Variants in RASGEF1A observed in about 807,000 individuals in gnomAD.
The protein encoded by RASGEF1A is RasGEF domain family member 1A, also known as ras-GEF domain-containing family member 1A.
A neutral mutation model predicts 56.4 loss-of-function variants in RASGEF1A; 18 were observed. The observed-to-expected ratio is 0.32, with a 90% confidence interval of 0.22 to 0.47. The LOEUF is 0.47. Among genes scored for constraint, RASGEF1A ranks in the 20% least tolerant of loss-of-function variants. RASGEF1A has a pLI of 1.00. For synonymous variants in RASGEF1A, 245 were observed against 242.6 expected (o/e 1.01, Z -0.09); for missense variants, 422 against 627.1 (o/e 0.67, Z 3.49).
At chr10:43,255,515 C>T (rs1840678300) in intron 1 of RASGEF1A, among the ~76,000 whole-genome samples, 1 of 152,350 alleles carries the variant, frequency 6.6e-6, no homozygotes, top group South Asian at 2.1e-4. Flanking sequence ...CCTTGTCTCA[C>T]AGCCCTGCCC....
chr10:43,246,694 G>C (rs1350343382), intron 1 of RASGEF1A, among the ~76,000 whole-genome samples: 2 of 152,188 alleles, frequency 1.3e-5, no homozygotes, highest in Admixed American at 6.5e-5. Flanking sequence ...TCAACAAATA[G>C]TGCTGGGACA....
chr10:43,230,508 C>T (rs747146335), intron 1 of RASGEF1A, among the ~76,000 whole-genome samples: 2 of 152,132 alleles, frequency 1.3e-5, no homozygotes, highest in Non-Finnish European at 2.9e-5. Context: ...CGAAGAGCGC[C>T]CTCTCTGGGG....
intron 1 of RASGEF1A, among the ~76,000 whole-genome samples, chr10:43,250,033 C>T (rs1840609042): frequency 6.6e-6 from 1 of 152,198 alleles, no homozygotes; most frequent in African/African-American, 2.4e-5. Context: ...AGCACACCAC[C>T]TCTGTGTCTC....
intron 1 of RASGEF1A, among the ~76,000 whole-genome samples, chr10:43,210,251 C>T (rs936130472): frequency 3.0e-4 from 45 of 152,130 alleles, no homozygotes; most frequent in African/African-American, 1.0e-3. Flanking sequence ...GTGGATGGAT[C>T]GCTTGAACTC....
intron 1 of RASGEF1A, among the ~76,000 whole-genome samples, chr10:43,241,047 G>C (rs1056896909): frequency 6.6e-6 from 1 of 152,162 alleles, no homozygotes; most frequent in East Asian, 1.9e-4. Flanking sequence ...GTCAGAAGAA[G>C]ACCTGCCTTA....
intron 1 of RASGEF1A, among the ~76,000 whole-genome samples, chr10:43,225,505 C>A (rs916848386): frequency 6.7e-6 from 1 of 150,206 alleles, no homozygotes; most frequent in Non-Finnish European, 1.5e-5. Flanking sequence ...CTCTGCATGT[C>A]TCTGTGTGTC....
intron 1 of RASGEF1A, among the ~76,000 whole-genome samples, chr10:43,233,304 G>A (rs775857649): frequency 1.8e-4 from 27 of 152,046 alleles, no homozygotes; most frequent in Non-Finnish European, 3.8e-4. Flanking sequence ...GTGTGTGCAC[G>A]TGTGTGTGTG....
At chr10:43,223,197 G>C (rs1462811911) in intron 1 of RASGEF1A, among the ~76,000 whole-genome samples, 1 of 152,164 alleles carries the variant, frequency 6.6e-6, no homozygotes, top group Non-Finnish European at 1.5e-5. Flanking sequence ...ACTGTGTCTA[G>C]AAACAGAAAG....
intron 1 of RASGEF1A, among the ~76,000 whole-genome samples, chr10:43,230,494 G>C (rs1226081314): frequency 1.3e-5 from 2 of 152,206 alleles, no homozygotes; most frequent in Non-Finnish European, 2.9e-5. Flanking sequence ...AAGATGCGCG[G>C]AGCCGAAGAG....
rs963547368 is a variant in RASGEF1A, at chr10:43,195,881, A to G, written c.*363T>C. 1 of 165,254 alleles carries G rather than the reference A, an allele frequency of 6.1e-6. No individual in the cohort carries two copies. Among genetic ancestry groups the G allele is most frequent in the African/African-American group, 2.4e-5 (1 of 41,646 alleles). 10.2% of individuals were successfully genotyped at this position (165,254 alleles called of 1,614,324 possible). A position where few individuals can be genotyped will look rare whatever the true frequency, so the allele number is the denominator to read the frequency against. On this transcript the variant is annotated 3_prime_UTR_variant, in exon 13 of 13. Coordinates refer to ENST00000395810, the MANE Select transcript of RASGEF1A (RefSeq NM_145313.4). This position sits in a 1 kb window ranked among gnomAD's most constrained non-coding sequence, Gnocchi z 4.2. The stretch of plus-strand genomic sequence containing the variant: ...TGGCTGGAAAGGCGTCCGAGCAGGC[A>G]GGGCTCACGTTGGTTTTGGCTGGGT...
intron 1 of RASGEF1A, among the ~76,000 whole-genome samples, chr10:43,255,347 C>A (rs764219630): frequency 6.6e-6 from 1 of 152,164 alleles, no homozygotes; most frequent in Non-Finnish European, 1.5e-5. Context: ...TGGGCCTGGA[C>A]GGCTCCAGGA....
intron 1 of RASGEF1A, among the ~76,000 whole-genome samples, chr10:43,217,861 C>T (rs879759545): frequency 2.0e-5 from 3 of 152,224 alleles, no homozygotes; most frequent in Non-Finnish European, 4.4e-5. Flanking sequence ...ATCCCCAAAT[C>T]CCAGCTCTCA....
intron 1 of RASGEF1A, among the ~76,000 whole-genome samples, chr10:43,254,933 T>G (rs1879299): frequency 0.17 from 25,944 of 151,914 alleles, 2,500 homozygotes; most frequent in Middle Eastern, 0.26. Context: ...CAGGGCCCAC[T>G]GGAGGCCCCT....
chr10:43,243,373 C>T (rs899575516), intron 1 of RASGEF1A, among the ~76,000 whole-genome samples: 6 of 149,846 alleles, frequency 4.0e-5, no homozygotes, highest in Admixed American at 4.0e-4. Flanking sequence ...GCCCAGCTGC[C>T]CCGTCCGGGA....
chr10:43,236,816 G>C (rs975736272), intron 1 of RASGEF1A, among the ~76,000 whole-genome samples: 2 of 152,212 alleles, frequency 1.3e-5, no homozygotes, highest in African/African-American at 4.8e-5. Flanking sequence ...CTGGAGAAGA[G>C]AGACTCAGAG....
chr10:43,247,014 G>T (rs915965837), intron 1 of RASGEF1A, among the ~76,000 whole-genome samples: 6 of 152,180 alleles, frequency 3.9e-5, no homozygotes, highest in African/African-American at 1.4e-4. Context: ...ATATTTGCAT[G>T]CCATATATGT....
At chr10:43,221,424 C>A (rs1840206001) in intron 1 of RASGEF1A, among the ~76,000 whole-genome samples, 2 of 152,200 alleles carry the variant, frequency 1.3e-5, no homozygotes, top group Non-Finnish European at 2.9e-5. Context: ...TCCTGCTGCT[C>A]CCCCCTTCTC....
chr10:43,250,914 A>G (rs1840621274), intron 1 of RASGEF1A, among the ~76,000 whole-genome samples: 1 of 152,220 alleles, frequency 6.6e-6, no homozygotes, highest in East Asian at 1.9e-4. Context: ...CTGAAGCCAG[A>G]GACACCTGGG....
intron 1 of RASGEF1A, among the ~76,000 whole-genome samples, chr10:43,249,666 C>G (rs1260310527): frequency 1.3e-5 from 2 of 152,246 alleles, no homozygotes; most frequent in African/African-American, 4.8e-5. Context: ...ATCCTGGACC[C>G]TGGCTGGCCC....
Sources: gnomAD v4.1 joint callset for allele counts (sites outside exome capture counted in the v4.1 genomes callset) on GRCh38, gnomAD v4.1.1 for gene constraint, Gnocchi (gnomAD v3.1) non-coding constraint, MANE v1.5 for transcripts, NCBI Gene and HGNC (gene_info 2026-07-23, HGNC 2026-07-21) for gene names.